Variants in XPNPEP3 observed in about 807,000 individuals in gnomAD.
XPNPEP3 encodes X-prolyl aminopeptidase 3.
In XPNPEP3, 41 loss-of-function variants were observed where a neutral mutation model predicts 60.0. That is an observed-to-expected ratio of 0.68 (90% confidence interval 0.53 to 0.89). The LOEUF (loss-of-function observed/expected upper bound fraction) is 0.89, where lower values mean the gene tolerates loss of function less well. Among genes scored for constraint, XPNPEP3 ranks in the 40% least tolerant of loss-of-function variants. The pLI is 0.00. For missense variants in XPNPEP3, 598 were observed against 638.9 expected, an observed-to-expected ratio of 0.94 and a Z score of 0.69; for synonymous variants, 212 against 223.2, an observed-to-expected ratio of 0.95 and a Z score of 0.45.
chr22:40,872,897 A>G (rs1419613086), intron 2 of XPNPEP3, among the ~76,000 whole-genome samples: 1 of 152,112 alleles, frequency 6.6e-6, no homozygotes, highest in Non-Finnish European at 1.5e-5. Flanking sequence ...ATATCAGAGA[A>G]TGAACGGGAA....
At chr22:40,867,630 G>A (rs998469975) in intron 1 of XPNPEP3, among the ~76,000 whole-genome samples, 17 of 151,932 alleles carry the variant, frequency 1.1e-4, no homozygotes, top group African/African-American at 3.6e-4. Context: ...AGTCTTGGTG[G>A]CACATACCTG....
At chr22:40,903,119 C>G (rs2058141148) in intron 4 of XPNPEP3, among the ~76,000 whole-genome samples, 1 of 152,162 alleles carries the variant, frequency 6.6e-6, no homozygotes, top group Admixed American at 6.5e-5. Flanking sequence ...TCTGAAACTC[C>G]CTGCAACACT....
In XPNPEP3 at chr22:40,926,631, T is replaced by G. The variant is rs891036810; in HGVS notation, c.*196T>G. 1 of 650,566 alleles carries G rather than the reference T, an allele frequency of 1.5e-6. No homozygotes were observed. The highest frequency in any genetic ancestry group is 1.8e-5 in the African/African-American group (1 of 55,116). 40.3% of individuals were successfully genotyped at this position (650,566 alleles called of 1,614,324 possible). ...TAGTTAGAAGTCTGGGAAAATGAAT[T>G]TTTGAATAGTATGTTACTGCAGCTT... is the stretch of plus-strand genomic sequence containing the variant. On this transcript the variant is annotated 3_prime_UTR_variant, in exon 10 of 10. Coordinates refer to ENST00000357137, the MANE Select transcript of XPNPEP3 (RefSeq NM_022098.4).
intron 7 of XPNPEP3, among the ~76,000 whole-genome samples, chr22:40,920,831 T>G (rs190996422): frequency 6.6e-6 from 1 of 152,238 alleles, no homozygotes; most frequent in African/African-American, 2.4e-5. Context: ...TCACTCTTGT[T>G]GCCCAGGCTG....
rs997358754 is a variant in XPNPEP3, at chr22:40,892,916, A to G, written c.792+6401A>G. On this transcript the variant is annotated intron_variant, in intron 4 of 9. Coordinates refer to ENST00000357137, the MANE Select transcript of XPNPEP3 (RefSeq NM_022098.4). ...CTATTTACCCACAATAACAATGCAA[A>G]TAGCTCTTTTTACACATATTATAAC... 2.0e-5 allele frequency among the ~76,000 whole-genome samples: 3 copies of G among 151,328 alleles called. No homozygotes were observed. The East Asian group carries it at 5.8e-4, about 29-fold the overall frequency.
chr22:40,900,636 A>G (rs1665560434), intron 4 of XPNPEP3, among the ~76,000 whole-genome samples: 1 of 152,136 alleles, frequency 6.6e-6, no homozygotes, highest in Non-Finnish European at 1.5e-5. Context: ...TAATTTAAGA[A>G]TAAATTAAAA....
intron 7 of XPNPEP3, among the ~76,000 whole-genome samples, chr22:40,918,678 C>T (rs971610964): frequency 6.6e-6 from 1 of 150,476 alleles, no homozygotes; most frequent in African/African-American, 2.4e-5. Flanking sequence ...AACGAGACTC[C>T]ATCTCAAAAA....
At chr22:40,923,909 A>G (rs1381297705) in intron 8 of XPNPEP3, among the ~76,000 whole-genome samples, 15 of 152,114 alleles carry the variant, frequency 9.9e-5, no homozygotes, top group Admixed American at 9.8e-4. Flanking sequence ...CCTTCTCCAC[A>G]AGTTGCTGTG....
At chr22:40,876,974 A>C (rs2058029788) in intron 2 of XPNPEP3, among the ~76,000 whole-genome samples, 1 of 152,048 alleles carries the variant, frequency 6.6e-6, no homozygotes, top group Non-Finnish European at 1.5e-5. Context: ...CAGTCAAGAT[A>C]CAGAACATTT....
chr22:40,860,932 C>G (rs2057940238), intron 1 of XPNPEP3: 1 of 896,160 alleles, frequency 1.1e-6, no homozygotes, highest in African/African-American at 1.7e-5. Context: ...AAAAAAACTA[C>G]TAACCAAATG....
At chr22:40,922,208 T>A (rs1224768584) in intron 7 of XPNPEP3, 125 bp from the exon 8 acceptor site, 8 of 1,123,772 alleles carry the variant, frequency 7.1e-6, no homozygotes, top group Non-Finnish European at 1.0e-5. Context: ...AGATTGGTAC[T>A]TATTAAACAT....
chr22:40,857,308 A>C, intron 1 of XPNPEP3, 63 bp downstream of exon 1: 1 of 1,586,742 alleles, frequency 6.3e-7, no homozygotes, highest in Non-Finnish European at 8.6e-7. Flanking sequence ...AGTTGGTCTC[A>C]GGCGATCCCT....
At chr22:40,884,242 T>C (rs1310863927) in intron 3 of XPNPEP3, among the ~76,000 whole-genome samples, 1 of 152,212 alleles carries the variant, frequency 6.6e-6, no homozygotes, top group Non-Finnish European at 1.5e-5. Flanking sequence ...AGTTGCTACT[T>C]GTCATGTTCT....
At chr22:40,889,864 T>C (rs1474625813) in intron 4 of XPNPEP3, among the ~76,000 whole-genome samples, 1 of 152,140 alleles carries the variant, frequency 6.6e-6, no homozygotes, top group Non-Finnish European at 1.5e-5. Flanking sequence ...ACATTTACAA[T>C]GATCAGTGAA....
chr22:40,922,560 T>C (rs1489282289), intron 8 of XPNPEP3, 47 bp downstream of exon 8: 5 of 1,602,726 alleles, frequency 3.1e-6, no homozygotes, highest in Admixed American at 3.3e-5. Flanking sequence ...CCTAGCATGC[T>C]GCTAGGTTTT....
At chr22:40,891,342 A>G (rs967365653) in intron 4 of XPNPEP3, among the ~76,000 whole-genome samples, 5 of 151,828 alleles carry the variant, frequency 3.3e-5, no homozygotes, top group Non-Finnish European at 7.4e-5. Flanking sequence ...CATGGGTGAC[A>G]GAGACCCTTC....
intron 2 of XPNPEP3, among the ~76,000 whole-genome samples, chr22:40,880,855 A>C (rs1177678817): frequency 1.3e-5 from 2 of 152,002 alleles, no homozygotes; most frequent in African/African-American, 4.8e-5. Flanking sequence ...CATTATATAA[A>C]ATCTCTGCAG....
chr22:40,919,933 T>C (rs1251799450), intron 7 of XPNPEP3, among the ~76,000 whole-genome samples: 1 of 152,188 alleles, frequency 6.6e-6, no homozygotes, highest in Non-Finnish European at 1.5e-5. Context: ...TCACTGAGCA[T>C]AGATTATGTT....
chr22:40,907,564 T>G, intron 4 of XPNPEP3, 23 bp from the exon 5 acceptor site: 2 of 1,609,928 alleles, frequency 1.2e-6, no homozygotes, highest in Non-Finnish European at 1.7e-6. Context: ...TCGTGTTCTT[T>G]TCATCCTCCT....
Sources: gnomAD v4.1 joint callset for allele counts (sites outside exome capture counted in the v4.1 genomes callset) on GRCh38, gnomAD v4.1.1 for gene constraint, MANE v1.5 for transcripts, NCBI Gene and HGNC (gene_info 2026-07-23, HGNC 2026-07-21) for gene names.